Variants in SLCO6A1 observed in about 807,000 individuals in gnomAD.
SLCO6A1 encodes cancer/testis antigen 48.
A neutral mutation model predicts 72.7 loss-of-function variants in SLCO6A1; 65 were observed. The ratio of observed to expected loss-of-function variants is 0.89; its 90% confidence interval spans 0.73 to 1.10. The LOEUF is 1.10. Ranked by LOEUF, SLCO6A1 falls within the 50% of genes least tolerant of loss-of-function variation. The probability of loss-of-function intolerance (pLI) is 0.00; values close to 1 mark genes in which losing one functional copy is unlikely to be tolerated. For missense variants in SLCO6A1, 874 were observed against 872.6 expected, an observed-to-expected ratio of 1.00 and a Z score of -0.02; for synonymous variants, 314 against 298.2, an observed-to-expected ratio of 1.05 and a Z score of -0.55.
At chr5:102,404,138 A>C (rs1747544227) in intron 9 of SLCO6A1, among the ~76,000 whole-genome samples, 1 of 152,212 alleles carries the variant, frequency 6.6e-6, no homozygotes, top group African/African-American at 2.4e-5. Context: ...CACTATGGAA[A>C]ATACTGCATC....
Position 102,458,480 on chromosome 5 carries a change from T to C in SLCO6A1, c.1033A>G (p.Ile345Val), listed in dbSNP as rs1750857836. ...FPNNMPGSTR[I>V]KARKRKQLHF... ...AGCTGTTTACGTTTCCTAGCTTTTA[T>C]CCGTGTTGAACCTATATATAAACAA... is the stretch of plus-strand genomic sequence containing the variant. Residue 345 changes from isoleucine to valine, a missense_variant, in exon 6 of 14, where the codon ATA becomes GTA. Transcript: ENST00000506729. 6.2e-7 allele frequency: 1 copy of C among 1,612,144 alleles called. No homozygotes were observed. Among genetic ancestry groups the C allele is most frequent in the Non-Finnish European group, 8.5e-7 (1 of 1,178,984 alleles).
Position 102,471,599 on chromosome 5 carries a change from C to A in SLCO6A1, c.899+4098G>T, listed in dbSNP as rs575467100. 1.2e-4 allele frequency among the ~76,000 whole-genome samples: 18 copies of A among 152,194 alleles called. No individual in the cohort carries two copies. In the South Asian group the frequency reaches 3.7e-3, roughly 32 times the overall value. Reference sequence around the variant, plus strand: ...TTAAATGCTACACCCGCTTAATTTCCTAAAGCCTTAATCCCAATCCACAAC... The same window carrying A: ...TTAAATGCTACACCCGCTTAATTTCATAAAGCCTTAATCCCAATCCACAAC... On this transcript the variant is annotated intron_variant, in intron 4 of 13. Coordinates refer to ENST00000506729, the MANE Select transcript of SLCO6A1 (RefSeq NM_173488.5).
At chr5:102,453,258 G>T (rs1250197315) in intron 6 of SLCO6A1, among the ~76,000 whole-genome samples, 1 of 151,768 alleles carries the variant, frequency 6.6e-6, no homozygotes, top group Admixed American at 6.6e-5. Context: ...ACTCAGGGGG[G>T]CTGAGGGAGA....
At chr5:102,421,571 A>G (rs1049054627) in intron 7 of SLCO6A1, among the ~76,000 whole-genome samples, 4 of 152,086 alleles carry the variant, frequency 2.6e-5, no homozygotes. Flanking sequence ...GCCTCTCTTG[A>G]TTCCTCCTCA....
intron 7 of SLCO6A1, among the ~76,000 whole-genome samples, chr5:102,421,666 C>T (rs967102857): frequency 6.6e-6 from 1 of 152,166 alleles, no homozygotes; most frequent in Non-Finnish European, 1.5e-5. Context: ...GACAGAGCAC[C>T]TGGGGGAAGG....
In SLCO6A1 at chr5:102,393,329, CAG is replaced by C. The variant is rs1457927170; in HGVS notation, c.1815-2286_1815-2285del. On this transcript the variant is annotated intron_variant, in intron 10 of 13. Transcript: ENST00000506729. The stretch of plus-strand genomic sequence containing the variant: ...TTTAAAATGGTCAGCCTGATCTAAT[CAG>C]TGTTATTTCATGCCACTTCTCAACT... 2.0e-5 allele frequency among the ~76,000 whole-genome samples: 3 copies of C among 152,136 alleles called. No homozygotes were observed. The East Asian group carries it at 5.8e-4, about 29-fold the overall frequency.
chr5:102,375,129 A>C (rs908413562), intron 12 of SLCO6A1, among the ~76,000 whole-genome samples: 18 of 152,214 alleles, frequency 1.2e-4, no homozygotes, highest in African/African-American at 4.3e-4. Flanking sequence ...ACAGGGCTGA[A>C]GTGACAAAGT....
At chr5:102,469,384 T>C (rs1751483156) in intron 4 of SLCO6A1, among the ~76,000 whole-genome samples, 1 of 152,132 alleles carries the variant, frequency 6.6e-6, no homozygotes, top group Non-Finnish European at 1.5e-5. Flanking sequence ...TCACATCCCT[T>C]GTAAGTTGGA....
At chr5:102,472,836 A>C (rs1275674775) in intron 4 of SLCO6A1, among the ~76,000 whole-genome samples, 1 of 152,046 alleles carries the variant, frequency 6.6e-6, no homozygotes. Context: ...AATCACAAGA[A>C]ACTACTATGA....
intron 4 of SLCO6A1, among the ~76,000 whole-genome samples, chr5:102,462,956 A>G (rs1251659908): frequency 6.6e-6 from 1 of 152,244 alleles, no homozygotes; most frequent in South Asian, 2.1e-4. Flanking sequence ...TCTGCACAGC[A>G]AAAGAAATAA....
In SLCO6A1 at chr5:102,378,720, C is replaced by T. The variant is rs909300939; in HGVS notation, c.2018-5226G>A. ...TGTTCTTTTCATTTTCATTGTTGTACAAAATGCCATTGTTGAATTTACCAC... is the reference window on the plus strand; with the variant it reads ...TGTTCTTTTCATTTTCATTGTTGTATAAAATGCCATTGTTGAATTTACCAC... On this transcript the variant is annotated intron_variant, in intron 12 of 13. Transcript: ENST00000506729. Among the ~76,000 whole-genome samples, 6 of 152,162 alleles carry T rather than the reference C, an allele frequency of 3.9e-5. No individual in the cohort carries two copies. The South Asian group carries it at 1.2e-3, about 32-fold the overall frequency.
intron 12 of SLCO6A1, among the ~76,000 whole-genome samples, chr5:102,382,047 C>T (rs566876214): frequency 1.8e-4 from 28 of 151,630 alleles, no homozygotes; most frequent in Non-Finnish European, 3.7e-4. Flanking sequence ...GTTTCCATTG[C>T]TGTGCAAAAA....
At chr5:102,480,842 T>A (rs1752157035) in intron 1 of SLCO6A1, among the ~76,000 whole-genome samples, 1 of 152,184 alleles carries the variant, frequency 6.6e-6, no homozygotes, top group African/African-American at 2.4e-5. Context: ...AATGCATATT[T>A]CCCAAACTCG....
At position 102,417,498 on chromosome 5, in the gene SLCO6A1, ACT is replaced by A. The variant is rs970917983; in HGVS notation, c.1472+2326_1472+2327del. On this transcript the variant is annotated intron_variant, in intron 8 of 13. Transcript: ENST00000506729. Reference sequence around the variant, plus strand: ...TAACTATGTTGATTTATGTGTTGTGACTCTGTTATTTTAGTGATTGCTTCAAG... The same window carrying A: ...TAACTATGTTGATTTATGTGTTGTGACTGTTATTTTAGTGATTGCTTCAAG... 2.2e-4 allele frequency among the ~76,000 whole-genome samples: 34 copies of A among 151,128 alleles called. No individual in the cohort carries two copies. The Middle Eastern group carries it at 0.014, about 61-fold the overall frequency.
intron 6 of SLCO6A1, among the ~76,000 whole-genome samples, chr5:102,440,009 T>C (rs1749746758): frequency 6.6e-6 from 1 of 152,122 alleles, no homozygotes. Flanking sequence ...ACTTCTGAGG[T>C]TGGGTCGTAA....
chr5:102,393,574 C>A (rs1212830816), intron 10 of SLCO6A1, among the ~76,000 whole-genome samples: 1 of 152,046 alleles, frequency 6.6e-6, no homozygotes, highest in Admixed American at 6.6e-5. Context: ...TTGTGTTTTT[C>A]TATTTTGTTT....
intron 10 of SLCO6A1, among the ~76,000 whole-genome samples, chr5:102,393,628 T>C (rs192788083): frequency 2.0e-5 from 3 of 152,318 alleles, no homozygotes; most frequent in Admixed American, 1.3e-4. Flanking sequence ...TTAGTAAAAC[T>C]ACATTTTTTT....
intron 10 of SLCO6A1, among the ~76,000 whole-genome samples, chr5:102,397,088 A>T (rs1747128407): frequency 6.6e-6 from 1 of 151,904 alleles, no homozygotes; most frequent in African/African-American, 2.4e-5. Context: ...TGTGGCCATG[A>T]TTGTTTCATT....
intron 12 of SLCO6A1, among the ~76,000 whole-genome samples, chr5:102,378,168 A>G (rs563243751): frequency 1.7e-4 from 26 of 151,994 alleles, no homozygotes; most frequent in Non-Finnish European, 3.2e-4. Flanking sequence ...TTTTTAAATT[A>G]TACTTTAAGT....
Sources: allele counts gnomAD v4.1 joint callset (sites outside exome capture counted in the v4.1 genomes callset), GRCh38; gene constraint gnomAD v4.1.1; transcripts MANE v1.5; gene names NCBI Gene and HGNC (gene_info 2026-07-23, HGNC 2026-07-21).